TSGA10: variants seen among roughly 807,000 people sequenced by gnomAD.
TSGA10 encodes the protein testis specific 10.
Under a neutral mutation model 96.6 loss-of-function variants are expected in TSGA10, and 43 were observed. The observed-to-expected ratio is 0.44, with a 90% confidence interval of 0.35 to 0.57. The LOEUF is 0.57. Among genes scored for constraint, TSGA10 ranks in the 20% least tolerant of loss-of-function variants. TSGA10 has a pLI of 0.01. For missense variants in TSGA10, 703 were observed against 834.4 expected, an observed-to-expected ratio of 0.84 and a Z score of 1.94; for synonymous variants, 229 against 269.9, an observed-to-expected ratio of 0.85 and a Z score of 1.48.
chr2:99,140,223 A>G (rs1410752193), intron 1 of TSGA10, among the ~76,000 whole-genome samples: 1 of 152,228 alleles, frequency 6.6e-6, no homozygotes, highest in Non-Finnish European at 1.5e-5. Context: ...TAATCAATTA[A>G]AATACAAACA....
intron 14 of TSGA10, among the ~76,000 whole-genome samples, chr2:99,071,386 A>T (rs2085944463): frequency 1.3e-5 from 2 of 151,750 alleles, no homozygotes; most frequent in African/African-American, 4.8e-5. Flanking sequence ...ATTTTTTTAA[A>T]AAAAAAACAC....
Position 99,018,637 on chromosome 2 carries a change from G to A in TSGA10, c.1821C>T (p.Ala607=). 1.9e-6 allele frequency: 3 copies of A among 1,609,810 alleles called. No individual in the cohort carries two copies. Among genetic ancestry groups the A allele is most frequent in the Non-Finnish European group, 2.5e-6 (3 of 1,178,710 alleles). ...EHLCLAENKM[A]IQSRDVAQFR... ...ACTGGGCCACATCTCTACTCTGGATGGCCCTGTTTAAAAGAAGATAAGAGT... is the reference window on the plus strand; with the variant it reads ...ACTGGGCCACATCTCTACTCTGGATAGCCCTGTTTAAAAGAAGATAAGAGT... Residue 607 remains alanine, a synonymous_variant, in exon 19 of 21, where the codon GCC becomes GCT. Transcript: ENST00000393483.
At chr2:99,063,019 A>C (rs1279596807) in intron 16 of TSGA10, among the ~76,000 whole-genome samples, 1 of 152,230 alleles carries the variant, frequency 6.6e-6, no homozygotes, top group African/African-American at 2.4e-5. Context: ...GACTCAACAT[A>C]AAATTATAAT....
At chr2:99,009,665 T>C (rs886369549) in intron 20 of TSGA10, among the ~76,000 whole-genome samples, 5 of 151,752 alleles carry the variant, frequency 3.3e-5, no homozygotes, top group Non-Finnish European at 7.4e-5. Context: ...CATTCTGGGA[T>C]TGAGCAAATT....
At chr2:99,138,080 T>C (rs2093398725) in intron 1 of TSGA10, among the ~76,000 whole-genome samples, 2 of 152,178 alleles carry the variant, frequency 1.3e-5, no homozygotes, top group African/African-American at 4.8e-5. Context: ...AAGAATTAAA[T>C]TTCTGTTGCT....
intron 1 of TSGA10, chr2:99,150,702 A>C: frequency 6.2e-7 from 1 of 1,614,124 alleles, no homozygotes; most frequent in Non-Finnish European, 8.5e-7. Flanking sequence ...AGAAAATAAG[A>C]TTAGAAGACA....
intron 11 of TSGA10, 104 bp from the exon 12 acceptor site, chr2:99,078,917 T>G: frequency 1.0e-6 from 1 of 993,242 alleles, no homozygotes; most frequent in Non-Finnish European, 1.4e-6. Flanking sequence ...TTCTAATATA[T>G]ATTATATTCA....
At chr2:99,114,246 A>T (rs963082094) in intron 4 of TSGA10, among the ~76,000 whole-genome samples, 1 of 152,122 alleles carries the variant, frequency 6.6e-6, no homozygotes, top group African/African-American at 2.4e-5. Flanking sequence ...CCACCCCACA[A>T]ATTAGGCAAG....
chr2:99,075,378 T>G (rs964084989), intron 12 of TSGA10, among the ~76,000 whole-genome samples: 1 of 152,210 alleles, frequency 6.6e-6, no homozygotes, highest in African/African-American at 2.4e-5. Context: ...ACTATAACTT[T>G]ATTCAAATAA....
intron 13 of TSGA10, 41 bp from the exon 14 acceptor site, chr2:99,071,915 A>G (rs1558919627): frequency 1.3e-6 from 2 of 1,536,992 alleles, no homozygotes; most frequent in Admixed American, 4.0e-5. Context: ...GAGACATTTT[A>G]CTGAAACAGA....
At chr2:99,017,993 TA>T (rs2079677380) in intron 20 of TSGA10, among the ~76,000 whole-genome samples, 1 of 152,072 alleles carries the variant, frequency 6.6e-6, no homozygotes, top group South Asian at 2.1e-4. Flanking sequence ...TGCAAACAGA[TA>T]AAATATTAGA....
At position 99,021,011 on chromosome 2, in the gene TSGA10, T is replaced by G. The variant is rs1447988316; in HGVS notation, c.1615-529A>C. 2.0e-5 allele frequency among the ~76,000 whole-genome samples: 3 copies of G among 150,876 alleles called. No individual in the cohort carries two copies. In the East Asian group the frequency reaches 5.8e-4, roughly 29 times the overall value. The stretch of plus-strand genomic sequence containing the variant: ...GAGTAATCTCTTATATTCTCTTGCA[T>G]AAACTTGTGGAAAGCTTCCTTTAGA... On this transcript the variant is annotated intron_variant, in intron 17 of 20. Transcript: ENST00000393483.
In TSGA10 at chr2:99,103,300, A is replaced by G. The variant is rs1322771459; in HGVS notation, c.611+667T>C. Among the ~76,000 whole-genome samples the G allele has an allele frequency of 3.3e-5, 5 of 152,302 alleles. No individual in the cohort carries two copies. The South Asian group carries it at 6.2e-4, about 19-fold the overall frequency. ...GATATTAAGCTATTACTATTTTTCA[A>G]TGTTCATAGATGCAATGAAATTCAA... is the stretch of plus-strand genomic sequence containing the variant. On this transcript the variant is annotated intron_variant, in intron 10 of 20. Coordinates refer to ENST00000393483, the MANE Select transcript of TSGA10 (RefSeq NM_025244.4).
chr2:99,063,591 T>C (rs897644668), intron 16 of TSGA10, among the ~76,000 whole-genome samples: 8 of 151,706 alleles, frequency 5.3e-5, no homozygotes, highest in Admixed American at 3.9e-4. Context: ...GATCATGAGG[T>C]CAAGAGATCG....
chr2:99,146,546 C>T (rs1240941701), intron 1 of TSGA10, among the ~76,000 whole-genome samples: 2 of 152,086 alleles, frequency 1.3e-5, no homozygotes, highest in African/African-American at 2.4e-5. Context: ...AGAAATCTTT[C>T]TTCACTCCAA....
chr2:99,014,098 T>C (rs1244477075), intron 20 of TSGA10, among the ~76,000 whole-genome samples: 2 of 152,126 alleles, frequency 1.3e-5, no homozygotes, highest in East Asian at 1.9e-4. Flanking sequence ...GAGGTTGCAG[T>C]GAACCGAGAT....
At chr2:99,144,688 G>A (rs148107834) in intron 1 of TSGA10, among the ~76,000 whole-genome samples, 1 of 137,114 alleles carries the variant, frequency 7.3e-6, no homozygotes, top group African/African-American at 2.6e-5. Context: ...GAAAGCATGA[G>A]GATAAGTCTG....
At position 99,069,015 on chromosome 2, in the gene TSGA10, G is replaced by T; in HGVS notation, c.1108-17C>A. The T allele has an allele frequency of 7.5e-7, 1 of 1,328,294 alleles. No individual in the cohort carries two copies. The highest frequency in any genetic ancestry group is 1.0e-6 in the Non-Finnish European group (1 of 998,746). The allele number at this position is 1,328,294 out of a possible 1,614,324, so 82.3% of individuals were successfully genotyped here. A position where few individuals can be genotyped will look rare whatever the true frequency, so the allele number is the denominator to read the frequency against. Reference sequence around the variant, plus strand: ...GGACAGTGCCTACGAAAAAAAGATAGGTATATTTGACTATGAAAAATAAAA... The same window carrying T: ...GGACAGTGCCTACGAAAAAAAGATATGTATATTTGACTATGAAAAATAAAA... On this transcript the variant is annotated splice_polypyrimidine_tract_variant and intron_variant, in intron 14 of 20. Coordinates refer to ENST00000393483, the MANE Select transcript of TSGA10 (RefSeq NM_025244.4).
intron 16 of TSGA10, among the ~76,000 whole-genome samples, chr2:99,055,940 A>G (rs987984852): frequency 1.3e-5 from 2 of 151,728 alleles, no homozygotes; most frequent in African/African-American, 4.8e-5. Flanking sequence ...GCGGTGGCTC[A>G]CGCCTGTAAT....
Sources: allele counts gnomAD v4.1 joint callset (sites outside exome capture counted in the v4.1 genomes callset), GRCh38; gene constraint gnomAD v4.1.1; transcripts MANE v1.5; gene names NCBI Gene and HGNC (gene_info 2026-07-23, HGNC 2026-07-21).